Variants in CRACDL observed in about 807,000 individuals in gnomAD.
CRACDL encodes CRACD like.
A neutral mutation model predicts 70.6 loss-of-function variants in CRACDL; 26 were observed. The ratio of observed to expected loss-of-function variants is 0.37; its 90% CI spans 0.27 to 0.51. CRACDL has a LOEUF of 0.51. CRACDL is among the 20% of genes least tolerant of loss of function. The probability of loss-of-function intolerance (pLI) is 0.94; values close to 1 mark genes in which losing one functional copy is unlikely to be tolerated. For missense variants in CRACDL, 1,283 were observed against 1,376.9 expected (o/e 0.93, Z 1.08); for synonymous variants, 618 against 615.2 (o/e 1.00, Z -0.07).
intron 7 of CRACDL, among the ~76,000 whole-genome samples, chr2:98,816,367 G>A (rs981103810): frequency 6.6e-6 from 1 of 152,118 alleles, no homozygotes; most frequent in Non-Finnish European, 1.5e-5. Flanking sequence ...GTAGGATTAC[G>A]AGGTGATTTT....
intron 1 of CRACDL, chr2:98,869,365 A>G: frequency 1.0e-6 from 1 of 968,242 alleles, no homozygotes; most frequent in Non-Finnish European, 1.3e-6. Context: ...ACAGCAGAAA[A>G]GGCCGTCTAA....
chr2:98,893,135 G>A (rs562848244), intron 1 of CRACDL, among the ~76,000 whole-genome samples: 13 of 152,266 alleles, frequency 8.5e-5, no homozygotes, highest in Admixed American at 7.2e-4. Context: ...GGAGGGAAAT[G>A]GGCTCCTTGC....
chr2:98,910,400 A>G lies in CRACDL; in HGVS notation c.-11+25538T>C, dbSNP rs542728138. On this transcript the variant is annotated intron_variant, in intron 1 of 9. Coordinates refer to ENST00000397899, the MANE Select transcript of CRACDL (RefSeq NM_207362.3). ...GCTGGGCATGGTGGTGCATGCCTGT[A>G]ATCCCAGCTACTTGGGAGGCTGAAG... Among the ~76,000 whole-genome samples, 4 of 152,152 alleles carry G rather than the reference A, an allele frequency of 2.6e-5. No individual in the cohort carries two copies. The South Asian group carries it at 8.3e-4, about 32-fold the overall frequency.
chr2:98,799,458 C>G (rs908525831), intron 7 of CRACDL, among the ~76,000 whole-genome samples: 9 of 152,122 alleles, frequency 5.9e-5, no homozygotes, highest in African/African-American at 2.2e-4. Flanking sequence ...GGCTCTCACT[C>G]CTTTTTCTGG....
intron 1 of CRACDL, among the ~76,000 whole-genome samples, chr2:98,870,117 C>A (rs781061347): frequency 1.5e-4 from 23 of 152,200 alleles, no homozygotes; most frequent in Non-Finnish European, 3.2e-4. Flanking sequence ...CACAATGCCA[C>A]CTGACTCAAG....
intron 1 of CRACDL, chr2:98,869,131 GT>G: frequency 7.7e-7 from 1 of 1,304,342 alleles, no homozygotes; most frequent in South Asian, 1.2e-5. Context: ...TGAGTGTGCT[GT>G]GAGCCTCCAG....
rs778930926 is a variant in CRACDL at position 98,838,281 on chromosome 2, T to C, written c.77A>G (p.Lys26Arg). 6.4e-7 allele frequency: 1 copy of C among 1,571,410 alleles called. No homozygotes were observed. Among genetic ancestry groups the C allele is most frequent in the Non-Finnish European group, 8.7e-7 (1 of 1,148,172 alleles). Residue 26 changes from lysine to arginine, a missense_variant, in exon 3 of 10, where the codon AAA becomes AGA. Lys to Arg is a conservative substitution (Grantham distance 26). Transcript: ENST00000397899. ...CTTAAAAGTTTTGAATTTAGATTTT[T>C]TCTTTCCTATACAGATTAGAGAAAA... ...EGLGEDSTGK[K>R]KSKFKTFKKF... is the part of the protein sequence containing the mutation.
chr2:98,864,152 T>C (rs1707041759), intron 1 of CRACDL, among the ~76,000 whole-genome samples: 1 of 152,074 alleles, frequency 6.6e-6, no homozygotes, highest in Non-Finnish European at 1.5e-5. Flanking sequence ...AAAGTAGAAA[T>C]AACCCAAATA....
In CRACDL at chr2:98,858,010, GA is replaced by G. The variant is rs1193722400; in HGVS notation, c.-10-11201del. On this transcript the variant is annotated intron_variant, in intron 1 of 9. Transcript: ENST00000397899. ...AGAATCAAATTAGAAATCAAAAACA[GA>G]AAGAATTTTGGGAAGTTCATAAATA... Among the ~76,000 whole-genome samples, 5 of 152,160 alleles carry G rather than the reference GA, an allele frequency of 3.3e-5. No individual in the cohort carries two copies. The South Asian group carries it at 8.3e-4, about 25-fold the overall frequency.
chr2:98,844,755 G>GTAATAATACAGACTAT (rs1706179505), intron 2 of CRACDL, among the ~76,000 whole-genome samples: 1 of 152,194 alleles, frequency 6.6e-6, no homozygotes, highest in East Asian at 1.9e-4. Flanking sequence ...TGCTTGTCAT[G>GTAATAATACAGACTAT]ATACTGAAAA....
chr2:98,904,793 G>C (rs1708363861), intron 1 of CRACDL, among the ~76,000 whole-genome samples: 1 of 152,196 alleles, frequency 6.6e-6, no homozygotes, highest in South Asian at 2.1e-4. Context: ...TGCTGATATA[G>C]TTTGGATATT....
intron 2 of CRACDL, among the ~76,000 whole-genome samples, chr2:98,845,198 TTC>T (rs66752862): frequency 0.37 from 51,981 of 140,116 alleles, 9,145 homozygotes; most frequent in African/African-American, 0.5. Flanking sequence ...TTTCTTCTTC[TTC>T]TTTTTTTTTT....
In CRACDL at chr2:98,821,916, T is replaced by C; in HGVS notation, c.2357A>G (p.Glu786Gly). 6.3e-7 allele frequency: 1 copy of C among 1,595,342 alleles called. No homozygotes were observed. The highest frequency in any genetic ancestry group is 1.9e-4 in the Middle Eastern group (1 of 5,216). Residue 786 changes from glutamate (E) to glycine (G), a missense_variant, in exon 7 of 10, where the codon GAG (glutamate) becomes GGG (glycine). Around this residue, in one of 2 missense-constraint regions of CRACDL, gnomAD observed 921 missense variants for 881.9 expected, o/e 1.04. Transcript: ENST00000397899. ...QPAPPDAGPG[E>G]REPRKEPRTA... The stretch of plus-strand genomic sequence containing the variant: ...CCTGGGCTCCTTCCTGGGTTCCCGC[T>C]CTCCCGGGCCGGCGTCGGGGGGCGC...
chr2:98,801,967 C>T (rs898009404), intron 7 of CRACDL, among the ~76,000 whole-genome samples: 2 of 152,246 alleles, frequency 1.3e-5, no homozygotes, highest in African/African-American at 4.8e-5. Flanking sequence ...TCTGCCATGA[C>T]AACGAGCCCT....
At chr2:98,832,773 T>C (rs2104500975) in intron 4 of CRACDL, 89 bp downstream of exon 4, 2 of 1,523,004 alleles carry the variant, frequency 1.3e-6, no homozygotes, top group South Asian at 1.1e-5. Flanking sequence ...CTTTACAGCA[T>C]ATCAAATAAA....
At chr2:98,912,161 T>C (rs757863216) in intron 1 of CRACDL, among the ~76,000 whole-genome samples, 11 of 152,322 alleles carry the variant, frequency 7.2e-5, no homozygotes, top group Non-Finnish European at 1.3e-4. Context: ...GAGTTTAGAA[T>C]GAGCAGGAAA....
intron 2 of CRACDL, among the ~76,000 whole-genome samples, chr2:98,845,197 C>CTTTTTTTTTTTTT (rs35896034): frequency 9.3e-6 from 1 of 107,460 alleles, no homozygotes. Flanking sequence ...CTTTCTTCTT[C>CTTTTTTTTTTTTT]TTCTTTTTTT....
intron 9 of CRACDL, among the ~76,000 whole-genome samples, chr2:98,795,837 A>C (rs1483935790): frequency 6.6e-6 from 1 of 152,188 alleles, no homozygotes; most frequent in African/African-American, 2.4e-5. Flanking sequence ...TGAGGATAGG[A>C]TACAGGTAAT....
At chr2:98,931,324 CAAA>C (rs530900049) in intron 1 of CRACDL, among the ~76,000 whole-genome samples, 1,515 of 96,202 alleles carry the variant, frequency 0.016, 10 homozygotes, top group Non-Finnish European at 0.023. Context: ...GACTCCATCT[CAAA>C]AAAAAAAAAA....
Sources: allele counts gnomAD v4.1 joint callset (sites outside exome capture counted in the v4.1 genomes callset), GRCh38; gene constraint gnomAD v4.1.1; regional missense constraint gnomAD v4.1.1; transcripts MANE v1.5; gene names NCBI Gene and HGNC (gene_info 2026-07-23, HGNC 2026-07-21).